ATAD2: variants seen among roughly 807,000 people sequenced by gnomAD.
The protein encoded by ATAD2 is ATPase family AAA domain-containing protein 2.
In ATAD2, 62 loss-of-function variants were observed where a neutral mutation model predicts 168.9. That is an observed-to-expected ratio of 0.37 (90% CI 0.30 to 0.45). The LOEUF (loss-of-function observed/expected upper bound fraction) is 0.45. Among genes scored for constraint, ATAD2 ranks in the 20% least tolerant of loss-of-function variants. The pLI is 1.00. For synonymous variants in ATAD2, 613 were observed against 571.6 expected (o/e 1.07, Z -1.03); for missense variants, 1,419 against 1,667.8 (o/e 0.85, Z 2.60).
Position 123,349,379 on chromosome 8 carries a change from A to G in ATAD2, c.1712T>C (p.Ile571Thr), listed in dbSNP as rs760017867. The G allele has an allele frequency of 6.2e-7, 1 of 1,614,136 alleles. No homozygotes were observed. The highest frequency in any genetic ancestry group is 8.5e-7 in the Non-Finnish European group (1 of 1,179,994). The change falls in exon 14 of 28, where the codon ATT (isoleucine) becomes ACT (threonine). Residue 571 changes from isoleucine to threonine, a missense_variant. By Grantham distance (89) the Ile-to-Thr change is moderately conservative (BLOSUM62 -1). This residue lies in a region of ATAD2 where 545 missense variants were observed against 724.9 expected (regional missense o/e 0.75). Transcript: ENST00000287394. Reference protein sequence around the residue: ...GLDSRGEIVVIGATNRLDSID... With the variant: ...GLDSRGEIVVTGATNRLDSID... ...AGAATCTAGCCTGTTCGTAGCACCAATGACCACAATTTCCCCTCTGCTGTC... is the reference window on the plus strand; with the variant it reads ...AGAATCTAGCCTGTTCGTAGCACCAGTGACCACAATTTCCCCTCTGCTGTC...
chr8:123,346,136 G>C lies in ATAD2; in HGVS notation c.2482C>G (p.Pro828Ala), dbSNP rs375157218. ...EKFTVYTLDI[P>A]VLFGVSTTSP... ...GTAGTACTAACTCCAAAAAGAACAG[G>C]AATGTCTAATGTATATACAGTAAAC... Residue 828 changes from proline to alanine, a missense_variant, in exon 18 of 28, where the codon CCT becomes GCT. Physicochemically the swap from Pro to Ala is conservative, Grantham distance 27. Transcript: ENST00000287394. 1 of 1,600,920 alleles carries C rather than the reference G, an allele frequency of 6.2e-7. No individual in the cohort carries two copies. Among genetic ancestry groups the C allele is most frequent in the African/African-American group, 1.4e-5 (1 of 73,814 alleles).
At chr8:123,374,275 C>T (rs1036216005) in intron 2 of ATAD2, among the ~76,000 whole-genome samples, 2 of 152,196 alleles carry the variant, frequency 1.3e-5, no homozygotes, top group Admixed American at 1.3e-4. Flanking sequence ...ATCACTTGAA[C>T]CTGGGAGGCA....
At chr8:123,370,135 C>CAA in intron 6 of ATAD2, 111 bp from the exon 7 acceptor site, 1 of 801,958 alleles carries the variant, frequency 1.2e-6, no homozygotes, top group South Asian at 2.1e-5. Flanking sequence ...TTATCTACTC[C>CAA]TAAAAAAAAA....
intron 1 of ATAD2, among the ~76,000 whole-genome samples, chr8:123,395,037 C>CA (rs1030345559): frequency 6.6e-6 from 1 of 152,164 alleles, no homozygotes; most frequent in Admixed American, 6.6e-5. Context: ...AGACTTAATA[C>CA]AAGACCCTGA....
chr8:123,334,306 A>G lies in ATAD2; in HGVS notation c.3228T>C (p.His1076=). ...CAGTATCTCTTAAAGCACAGGCTCT[A>G]TGCCTAATAAGACGATCTATGAAGT... The part of the protein sequence containing the change: ...DRDPGDRLIR[H]RACALRDTAY... Residue 1076 remains histidine (H), a synonymous_variant, in exon 23 of 28, where the codon CAT becomes CAC. Transcript: ENST00000287394. The G allele has an allele frequency of 6.4e-7, 1 of 1,567,590 alleles. No homozygotes were observed. The highest frequency in any genetic ancestry group is 1.2e-5 in the South Asian group (1 of 82,558).
intron 13 of ATAD2, chr8:123,352,641 G>T (rs536741864): frequency 1.3e-5 from 2 of 150,338 alleles, no homozygotes; most frequent in Non-Finnish European, 3.0e-5. Context: ...GGTTGCACTG[G>T]AAAGAAAATT....
intron 1 of ATAD2, among the ~76,000 whole-genome samples, chr8:123,383,401 A>C (rs752117011): frequency 6.6e-5 from 10 of 152,220 alleles, no homozygotes; most frequent in Non-Finnish European, 1.3e-4. Flanking sequence ...ACCCATTCTG[A>C]ATTTCACTAT....
At chr8:123,372,560 G>A (rs1829179591) in intron 3 of ATAD2, 77 bp downstream of exon 3, 6 of 1,103,048 alleles carry the variant, frequency 5.4e-6, no homozygotes, top group Middle Eastern at 2.1e-4. Context: ...AAAATTTATT[G>A]TAGGTACCTC....
chr8:123,409,171 C>A (rs1217756357), intron 1 of ATAD2, among the ~76,000 whole-genome samples: 1 of 152,106 alleles, frequency 6.6e-6, no homozygotes, highest in Non-Finnish European at 1.5e-5. Flanking sequence ...CTCTATTGAC[C>A]TCTCCCGAAC....
chr8:123,401,172 G>A (rs943348588), upstream of ATAD2: 27 of 992,192 alleles, frequency 2.7e-5, no homozygotes, highest in Middle Eastern at 1.2e-3. Flanking sequence ...AGGCAAATGA[G>A]ATCCTGCAGC....
chr8:123,361,160 T>C (rs867964243), intron 9 of ATAD2, among the ~76,000 whole-genome samples: 7 of 151,402 alleles, frequency 4.6e-5, no homozygotes, highest in African/African-American at 1.5e-4. Flanking sequence ...CTATTAAAAC[T>C]ACAAAAATGA....
intron 2 of ATAD2, among the ~76,000 whole-genome samples, chr8:123,377,047 C>T (rs570530311): frequency 7.9e-5 from 11 of 140,022 alleles, no homozygotes; most frequent in Non-Finnish European, 1.4e-4. Flanking sequence ...GCCACGATTG[C>T]GCCACTGCAC....
intron 2 of ATAD2, among the ~76,000 whole-genome samples, chr8:123,380,190 T>C (rs1403868098): frequency 6.6e-6 from 1 of 151,974 alleles, no homozygotes; most frequent in African/African-American, 2.4e-5. Flanking sequence ...TAGCTGGGAT[T>C]ACAGGCGCCC....
chr8:123,356,295 AAGTTTCTTTCAC>A (rs1828643500), intron 13 of ATAD2, 82 bp downstream of exon 13: 4 of 1,031,504 alleles, frequency 3.9e-6, no homozygotes, highest in Non-Finnish European at 5.6e-6. Flanking sequence ...CTAGCTTATA[AAGTTTCTTTCAC>A]CATTTAACAT....
intron 2 of ATAD2, among the ~76,000 whole-genome samples, chr8:123,376,655 T>C (rs1303622919): frequency 1.3e-5 from 2 of 151,958 alleles, no homozygotes; most frequent in African/African-American, 2.4e-5. Context: ...TAAACTGTTA[T>C]TAAGAAATAA....
chr8:123,401,364 C>A, upstream of ATAD2: 2 of 1,409,450 alleles, frequency 1.4e-6, no homozygotes, highest in Non-Finnish European at 2.0e-6. Context: ...ACCTGCTCAC[C>A]CAGGCGGGTG....
At chr8:123,347,556 CTT>C in intron 15 of ATAD2, 150 bp from the exon 16 acceptor site, 1 of 779,488 alleles carries the variant, frequency 1.3e-6, no homozygotes, top group Non-Finnish European at 2.0e-6. Flanking sequence ...ACCAAAATCT[CTT>C]TTACCCAGTA....
chr8:123,375,418 T>C (rs886441982), intron 2 of ATAD2, among the ~76,000 whole-genome samples: 1 of 152,130 alleles, frequency 6.6e-6, no homozygotes, highest in African/African-American at 2.4e-5. Context: ...CATACATTGG[T>C]GGTAGGAATG....
At chr8:123,414,748 G>A (rs1344174677) in intron 1 of ATAD2, among the ~76,000 whole-genome samples, 1 of 152,228 alleles carries the variant, frequency 6.6e-6, no homozygotes, top group Admixed American at 6.5e-5. Flanking sequence ...TCAAGAGGCT[G>A]AAGAAAGGTT....
Sources: gnomAD v4.1 joint callset for allele counts (sites outside exome capture counted in the v4.1 genomes callset) on GRCh38, gnomAD v4.1.1 for gene constraint, gnomAD v4.1.1 regional missense constraint, MANE v1.5 for transcripts, NCBI Gene and HGNC (gene_info 2026-07-23, HGNC 2026-07-21) for gene names.